TRIM31: variants seen among roughly 807,000 people sequenced by gnomAD.
TRIM31 encodes the protein tripartite motif containing 31, also known as E3 ubiquitin-protein ligase TRIM31.
TRIM31 carries 31 observed loss-of-function variants against 40.6 expected under a neutral mutation model. That is an observed-to-expected ratio of 0.76 (90% CI 0.57 to 1.03). The LOEUF is 1.03. Ranked by LOEUF, TRIM31 falls within the 50% of genes least tolerant of loss-of-function variation. TRIM31 has a pLI of 0.00. For synonymous variants in TRIM31, 164 were observed against 193.9 expected (o/e 0.85, Z 1.28); for missense variants, 455 against 497.5 (o/e 0.91, Z 0.81).
intron 4 of TRIM31, 84 bp downstream of exon 4, chr6:30,110,364 G>T: frequency 1.5e-6 from 2 of 1,338,386 alleles, no homozygotes; most frequent in Non-Finnish European, 1.1e-6. Flanking sequence ...GGCAATCTCA[G>T]GTATTCTGCC....
intron 6 of TRIM31, among the ~76,000 whole-genome samples, chr6:30,106,620 G>T (rs894300416): frequency 2.0e-5 from 3 of 152,100 alleles, no homozygotes; most frequent in African/African-American, 7.2e-5. Context: ...AGGAAATAGG[G>T]CCAGGTGGGA....
In TRIM31 at chr6:30,112,497, G is replaced by A. The variant is rs2517598; in HGVS notation, c.309C>T (p.His103=). Reference sequence around the variant, plus strand: ...ACTTCCCATCATCCTCGCAGAAATAGTGGAACATCTCCTGGTGCCTCGGGC... The same window carrying A: ...ACTTCCCATCATCCTCGCAGAAATAATGGAACATCTCCTGGTGCCTCGGGC... ...ATCPRHQEMF[H]YFCEDDGKFL... is the part of the protein sequence containing the mutation. The change falls in exon 2 of 9, where the codon CAC becomes CAT. Residue 103 remains histidine (H), a synonymous_variant. Coordinates refer to ENST00000376734, the MANE Select transcript of TRIM31 (RefSeq NM_007028.5). 256,004 of 1,613,024 alleles carry A rather than the reference G, an allele frequency of 0.16. 21,832 individuals are homozygous for A. The highest frequency in any genetic ancestry group is 0.18 in the South Asian group (16,531 of 91,072).
intron 2 of TRIM31, 104 bp downstream of exon 2, chr6:30,112,285 G>A: frequency 7.3e-7 from 1 of 1,362,250 alleles, no homozygotes; most frequent in Non-Finnish European, 1.0e-6. Flanking sequence ...CCCAAGGGGT[G>A]GGGGCAATGG....
At chr6:30,110,345 G>A in intron 4 of TRIM31, 103 bp downstream of exon 4, 6 of 1,094,016 alleles carry the variant, frequency 5.5e-6, no homozygotes, top group Non-Finnish European at 5.5e-6. Context: ...CTAGAGGTAG[G>A]ATGGTTGGGG....
Position 30,103,698 on chromosome 6 carries a change from A to G in TRIM31, c.1116T>C (p.Phe372=). 6.2e-7 allele frequency: 1 copy of G among 1,613,026 alleles called. No homozygotes were observed. Among genetic ancestry groups the G allele is most frequent in the Non-Finnish European group, 8.5e-7 (1 of 1,180,036 alleles). ...CATAAGAGGCCAGGAGACATACTGG[A>G]AAAGTGACTTTCCCAGCAGACGAGG... is the stretch of plus-strand genomic sequence containing the variant. ...FRASSAGKVT[F]PVCLLASYDE... Residue 372 remains phenylalanine (F), a synonymous_variant, in exon 9 of 9, where the codon TTT becomes TTC. Transcript: ENST00000376734.
Position 30,112,607 on chromosome 6 carries a change from A to G in TRIM31, c.199T>C (p.Phe67Leu). The G allele has an allele frequency of 6.2e-7, 1 of 1,613,128 alleles. No individual in the cohort carries two copies. Among genetic ancestry groups the G allele is most frequent in the South Asian group, 1.1e-5 (1 of 91,084 alleles). Residue 67 changes from phenylalanine (F) to leucine (L), a missense_variant, in exon 2 of 9, where the codon TTC (phenylalanine) becomes CTC (leucine). Coordinates refer to ENST00000376734, the MANE Select transcript of TRIM31 (RefSeq NM_007028.5). ...KTSVRKNAIR[F>L]NSLLRNLVEK... ...ACCAGATTCCGCAACAGCGAGTTGA[A>G]CCTGATTGCGTTCTTCCTTACGGAA...
intron 1 of TRIM31, 37 bp from the exon 2 acceptor site, chr6:30,112,925 C>T: frequency 1.1e-6 from 1 of 942,650 alleles, no homozygotes; most frequent in Non-Finnish European, 1.5e-6. Flanking sequence ...AAGTGGAGGT[C>T]AGAGATTCTG....
intron 2 of TRIM31, 44 bp downstream of exon 2, chr6:30,112,345 T>C (rs780780779): frequency 5.7e-6 from 9 of 1,571,256 alleles, no homozygotes; most frequent in Non-Finnish European, 7.8e-6. Context: ...CTCACTGAAC[T>C]CCTGGGCTGA....
Position 30,112,737 on chromosome 6 carries a change from C to T in TRIM31, c.69G>A (p.Leu23=), listed in dbSNP as rs1187104051. The change falls in exon 2 of 9, where the codon CTG becomes CTA. Residue 23 remains leucine (L), a synonymous_variant. Transcript: ENST00000376734. ...CACAGTCGATGGTGACAGGTTTCTG[C>T]AGAATGTCCAGGCAGATGGGGCAGA... ...EVICPICLDI[L]QKPVTIDCGH... is the part of the protein sequence containing the mutation. The T allele has an allele frequency of 1.2e-6, 2 of 1,613,036 alleles. No homozygotes were observed. Among genetic ancestry groups the T allele is most frequent in the Admixed American group, 1.7e-5 (1 of 60,024 alleles).
intron 2 of TRIM31, chr6:30,112,086 C>T (rs1360612203): frequency 9.0e-6 from 5 of 552,984 alleles, no homozygotes; most frequent in East Asian, 5.9e-5. Context: ...GTACCTGAGG[C>T]TCAGAGAGGT....
Position 30,113,090 on chromosome 6 carries a change from T to C in TRIM31, c.-110A>G. On this transcript the variant is annotated 5_prime_UTR_variant, in exon 1 of 9. Coordinates refer to ENST00000376734, the MANE Select transcript of TRIM31 (RefSeq NM_007028.5). ...TTGCTACCTCTTGAGAACAAATGGA[T>C]ACTTTGAATGTGTAATAGGCTGCTT... 2.3e-6 allele frequency: 1 copy of C among 437,400 alleles called. No homozygotes were observed. The highest frequency in any genetic ancestry group is 4.0e-6 in the Non-Finnish European group (1 of 250,660). The allele number at this position is 437,400 out of a possible 1,614,324, so 27.1% of individuals were successfully genotyped here.
chr6:30,110,559 C>G lies in TRIM31; in HGVS notation c.633G>C (p.Thr211=). The G allele has an allele frequency of 6.2e-7, 1 of 1,614,186 alleles. No individual in the cohort carries two copies. The highest frequency in any genetic ancestry group is 8.5e-7 in the Non-Finnish European group (1 of 1,180,026). The change falls in exon 4 of 9, where the codon ACG becomes ACC. Residue 211 remains threonine (T), a synonymous_variant. Coordinates refer to ENST00000376734, the MANE Select transcript of TRIM31 (RefSeq NM_007028.5). ...AGGCAACATAGTGTTTCCCCGCTTC[C>G]GTTCCCTCATGACCCAGCCAGTAAA... The part of the protein sequence containing the change: ...SRIYWLGHEG[T]EAGKHYVAST...
chr6:30,105,103 CAATTCTTCCCCTTTTCTCACTTTCCCCA>C lies in TRIM31; in HGVS notation c.958+37_958+64del, dbSNP rs1443674377. The stretch of plus-strand genomic sequence containing the variant: ...TGGCCTTCATGTAATCATAGAGACA[CAATTCTTCCCCTTTTCTCACTTTCCCCA>C]AATGGCAGAAGCAACCAACCATCAT... On this transcript the variant is annotated intron_variant, in intron 7 of 8. Coordinates refer to ENST00000376734, the MANE Select transcript of TRIM31 (RefSeq NM_007028.5). 3.1e-4 allele frequency: 449 copies of C among 1,428,300 alleles called. 37 individuals are homozygous for C. Among genetic ancestry groups the C allele is most frequent in the East Asian group, 1.9e-3 (85 of 43,918 alleles). The allele number at this position is 1,428,300 out of a possible 1,614,324, so 88.5% of individuals were successfully genotyped here.
intron 6 of TRIM31, among the ~76,000 whole-genome samples, chr6:30,105,927 A>G (rs1466275360): frequency 6.6e-6 from 1 of 152,240 alleles, no homozygotes; most frequent in Admixed American, 6.5e-5. Flanking sequence ...CCTGGATGGC[A>G]GTCCTGCCCT....
intron 8 of TRIM31, 152 bp from the exon 9 acceptor site, chr6:30,103,941 T>A (rs973619591): frequency 1.6e-5 from 23 of 1,398,856 alleles, no homozygotes; most frequent in Admixed American, 1.6e-4. Flanking sequence ...GAGCGCCCTC[T>A]GTTTCCTGGC....
chr6:30,108,020 A>G, intron 6 of TRIM31, 33 bp downstream of exon 6: 1 of 1,348,028 alleles, frequency 7.4e-7, no homozygotes, highest in Non-Finnish European at 1.1e-6. Context: ...TCCTGGAAGT[A>G]GGTGAATAGA....
chr6:30,110,027 T>TAAAAAAAA (rs9280894), intron 4 of TRIM31, among the ~76,000 whole-genome samples: 4 of 118,186 alleles, frequency 3.4e-5, no homozygotes, highest in Admixed American at 8.8e-5. Flanking sequence ...AGACTCAGTG[T>TAAAAAAAA]AAAAAAAAAA....
chr6:30,103,854 C>T, intron 8 of TRIM31, 65 bp from the exon 9 acceptor site: 13 of 1,602,802 alleles, frequency 8.1e-6, no homozygotes, highest in Non-Finnish European at 1.1e-5. Flanking sequence ...TCCTCCATTG[C>T]CAGACAGCAC....
Position 30,111,889 on chromosome 6 carries a change from G to A in TRIM31, c.418-146C>T, listed in dbSNP as rs902172066. 3.2e-5 allele frequency: 23 copies of A among 724,152 alleles called. 1 individual carries two copies. Among genetic ancestry groups the A allele is most frequent in the South Asian group, 1.4e-4 (8 of 56,460 alleles). 44.9% of individuals were successfully genotyped at this position (724,152 alleles called of 1,614,324 possible). A position where few individuals can be genotyped will look rare whatever the true frequency, so the allele number is the denominator to read the frequency against. Reference sequence around the variant, plus strand: ...GACTCGCCTTTCTCAAGCTGGCGGGGAAAGGGGTTGCTGAGAAGGGAGAAA... The same window carrying A: ...GACTCGCCTTTCTCAAGCTGGCGGGAAAAGGGGTTGCTGAGAAGGGAGAAA... On this transcript the variant is annotated intron_variant, in intron 2 of 8. Transcript: ENST00000376734.
Sources: allele counts gnomAD v4.1 joint callset (sites outside exome capture counted in the v4.1 genomes callset), GRCh38; gene constraint gnomAD v4.1.1; transcripts MANE v1.5; gene names NCBI Gene and HGNC (gene_info 2026-07-23, HGNC 2026-07-21).